NRCAM: variants seen among roughly 807,000 people sequenced by gnomAD.
The protein encoded by NRCAM is neuronal cell adhesion molecule.
Under a neutral mutation model 156.5 loss-of-function variants are expected in NRCAM, and 83 were observed. That is an observed-to-expected ratio of 0.53 (90% CI 0.44 to 0.64). The LOEUF is 0.64. NRCAM is among the 30% of genes least tolerant of loss of function. The pLI is 0.00. For synonymous variants in NRCAM, 538 were observed against 563.9 expected, an observed-to-expected ratio of 0.95 and a Z score of 0.65; for missense variants, 1,417 against 1,597.3, an observed-to-expected ratio of 0.89 and a Z score of 1.92.
intron 8 of NRCAM, among the ~76,000 whole-genome samples, chr7:108,229,228 G>A (rs961193152): frequency 6.6e-6 from 1 of 152,100 alleles, no homozygotes; most frequent in East Asian, 1.9e-4. Flanking sequence ...ATTTGAAATA[G>A]CTAATAATTG....
chr7:108,197,640 T>C (rs1343643904), intron 14 of NRCAM, among the ~76,000 whole-genome samples: 1 of 152,196 alleles, frequency 6.6e-6, no homozygotes, highest in Non-Finnish European at 1.5e-5. Context: ...CGAAGAGCAA[T>C]AATATTCAGT....
intron 25 of NRCAM, among the ~76,000 whole-genome samples, chr7:108,179,999 G>C (rs1466953905): frequency 1.3e-5 from 2 of 152,170 alleles, no homozygotes; most frequent in South Asian, 2.1e-4. Context: ...TCACGGGAGA[G>C]GGCATTTCAG....
chr7:108,177,938 A>T, intron 26 of NRCAM, 52 bp downstream of exon 26: 1 of 1,519,190 alleles, frequency 6.6e-7, no homozygotes, highest in South Asian at 1.3e-5. Context: ...AATTAAAATA[A>T]TAAATAAAAT....
chr7:108,171,296 C>T (rs533740131), intron 28 of NRCAM, among the ~76,000 whole-genome samples: 3 of 152,308 alleles, frequency 2.0e-5, no homozygotes, highest in Admixed American at 2.0e-4. Flanking sequence ...CTAGCCACTT[C>T]TCTGTTTAAA....
chr7:108,223,841 A>C lies in NRCAM; in HGVS notation c.779-5T>G, dbSNP rs759084220. On this transcript the variant is annotated splice_region_variant and splice_polypyrimidine_tract_variant and intron_variant, in intron 10 of 32. Transcript: ENST00000379028. ...GCCTCTCTCTACTTGATTTAGCTGC[A>C]AACAAGAAAATCAGTATGCATTACA... The C allele has an allele frequency of 2.8e-6, 4 of 1,415,542 alleles. No individual in the cohort carries two copies. The South Asian group carries it at 4.6e-5, about 16-fold the overall frequency. 87.7% of individuals were successfully genotyped at this position (1,415,542 alleles called of 1,614,324 possible).
At chr7:108,253,508 C>T (rs1338296853) in intron 3 of NRCAM, among the ~76,000 whole-genome samples, 1 of 152,140 alleles carries the variant, frequency 6.6e-6, no homozygotes. Context: ...ATGAAGGATA[C>T]TAAGTGAGGG....
intron 3 of NRCAM, among the ~76,000 whole-genome samples, chr7:108,312,050 T>C (rs746851148): frequency 1.2e-4 from 19 of 152,142 alleles, no homozygotes; most frequent in Admixed American, 3.3e-4. Context: ...GAAGGCATCA[T>C]AGGCCTAACA....
chr7:108,162,834 A>G (rs1254352065), intron 30 of NRCAM, among the ~76,000 whole-genome samples: 1 of 152,272 alleles, frequency 6.6e-6, no homozygotes, highest in Non-Finnish European at 1.5e-5. Flanking sequence ...AGAAATTGAT[A>G]TAAAACAGAA....
intron 2 of NRCAM, among the ~76,000 whole-genome samples, chr7:108,343,318 G>T (rs573334068): frequency 6.6e-6 from 1 of 152,278 alleles, no homozygotes; most frequent in Admixed American, 6.5e-5. Context: ...GAGAGAAAGG[G>T]GATTCCTAAC....
At chr7:108,333,534 G>C (rs1280472003) in intron 2 of NRCAM, among the ~76,000 whole-genome samples, 1 of 152,056 alleles carries the variant, frequency 6.6e-6, no homozygotes, top group Non-Finnish European at 1.5e-5. Context: ...TTTCTAAACT[G>C]TAAAATCTAT....
Position 108,226,190 on chromosome 7 carries a change from G to A in NRCAM, c.721+18C>T. ...GTAAATGTCATTGAAGGGGAGATTT[G>A]GGAAGCTGAACTCTTACCTGAAATC... On this transcript the variant is annotated intron_variant, in intron 9 of 32. Transcript: ENST00000379028. The A allele has an allele frequency of 3.2e-6, 5 of 1,546,426 alleles. No homozygotes were observed. Among genetic ancestry groups the A allele is most frequent in the Non-Finnish European group, 4.4e-6 (5 of 1,144,874 alleles).
intron 32 of NRCAM, among the ~76,000 whole-genome samples, chr7:108,153,340 A>C (rs388121): frequency 6.6e-6 from 1 of 151,888 alleles, no homozygotes; most frequent in Non-Finnish European, 1.5e-5. Flanking sequence ...GAAGAAAATA[A>C]AAATATGATA....
chr7:108,176,464 T>G lies in NRCAM; in HGVS notation c.3117A>C (p.Gln1039His). 6.2e-7 allele frequency: 1 copy of G among 1,613,562 alleles called. No homozygotes were observed. Among genetic ancestry groups the G allele is most frequent in the Non-Finnish European group, 8.5e-7 (1 of 1,179,836 alleles). Reference protein sequence around the residue: ...YAQTSAGSGSQITEEAVTTVD... With the variant: ...YAQTSAGSGSHITEEAVTTVD... Reference sequence around the variant, plus strand: ...CAGTTGTTACTGCTTCCTCTGTAATTTGACTTCCTGATCCTGCTGATGTTT... The same window carrying G: ...CAGTTGTTACTGCTTCCTCTGTAATGTGACTTCCTGATCCTGCTGATGTTT... The change falls in exon 27 of 33, where the codon CAA becomes CAC. Residue 1039 changes from glutamine (Q) to histidine (H), a missense_variant. Physicochemically the swap from Gln to His is conservative, Grantham distance 24. Coordinates refer to ENST00000379028, the MANE Select transcript of NRCAM (RefSeq NM_001037132.4).
intron 3 of NRCAM, among the ~76,000 whole-genome samples, chr7:108,244,254 C>G (rs1403926002): frequency 6.6e-6 from 1 of 151,916 alleles, no homozygotes; most frequent in Non-Finnish European, 1.5e-5. Context: ...ATAACATGAT[C>G]TACACTCTCC....
intron 32 of NRCAM, among the ~76,000 whole-genome samples, chr7:108,152,030 G>A (rs112250947): frequency 0.029 from 4,464 of 152,034 alleles, 108 homozygotes; most frequent in Admixed American, 0.05. Flanking sequence ...CTCGGCACTG[G>A]GAATATAGCA....
At chr7:108,164,525 T>C (rs374977537) in intron 30 of NRCAM, among the ~76,000 whole-genome samples, 4 of 105,738 alleles carry the variant, frequency 3.8e-5, no homozygotes, top group African/African-American at 1.6e-4. Flanking sequence ...TGCCAAATAT[T>C]GACATCCTTA....
In NRCAM at chr7:108,334,330, A is replaced by G. The variant is rs117730896; in HGVS notation, c.-173-21599T>C. On this transcript the variant is annotated intron_variant, in intron 2 of 32. Coordinates refer to ENST00000379028, the MANE Select transcript of NRCAM (RefSeq NM_001037132.4). ...GACATGATAATCTTCCCAAACACCA[A>G]TTAGCATCTATTACCCACAGGTTAG... Among the ~76,000 whole-genome samples, 1,259 of 152,318 alleles carry G rather than the reference A, an allele frequency of 8.3e-3. 8 individuals carry two copies. Among genetic ancestry groups the G allele is most frequent in the Non-Finnish European group, 0.013 (881 of 68,020 alleles).
Position 108,268,619 on chromosome 7 carries a change from T to TA in NRCAM, c.-106-28450_-106-28449insT, listed in dbSNP as rs2097197397. Among the ~76,000 whole-genome samples the TA allele has an allele frequency of 8.1e-5, 4 of 49,266 alleles. 1 individual carries two copies. The highest frequency in any genetic ancestry group is 1.4e-4 in the Non-Finnish European group (4 of 28,894). 32.3% of individuals were successfully genotyped at this position (49,266 alleles called of 152,430 possible). The stretch of plus-strand genomic sequence containing the variant: ...AGTGAAGAAATGAGCGGGGCGGGGG[T>TA]GGGGGTGGGGGGGGGTTGGGGGGGG... On this transcript the variant is annotated intron_variant, in intron 3 of 32. Coordinates refer to ENST00000379028, the MANE Select transcript of NRCAM (RefSeq NM_001037132.4).
intron 2 of NRCAM, among the ~76,000 whole-genome samples, chr7:108,337,277 A>C (rs931596105): frequency 2.0e-5 from 3 of 152,020 alleles, no homozygotes; most frequent in East Asian, 1.9e-4. Flanking sequence ...AAAAAAAAAA[A>C]AAACCACGGC....
Sources: allele counts gnomAD v4.1 joint callset (sites outside exome capture counted in the v4.1 genomes callset), GRCh38; gene constraint gnomAD v4.1.1; transcripts MANE v1.5; gene names NCBI Gene and HGNC (gene_info 2026-07-23, HGNC 2026-07-21).